FLT1: variants seen among roughly 807,000 people sequenced by gnomAD.
FLT1 encodes vascular endothelial growth factor receptor 1.
A neutral mutation model predicts 156.3 loss-of-function variants in FLT1; 49 were observed. The ratio of observed to expected loss-of-function variants is 0.31; its 90% confidence interval spans 0.25 to 0.40. The LOEUF (loss-of-function observed/expected upper bound fraction) is 0.40, where lower values mean the gene tolerates loss of function less well. Among genes scored for constraint, FLT1 ranks in the 10% least tolerant of loss-of-function variants. The probability of loss-of-function intolerance (pLI) is 1.00; values close to 1 mark genes in which losing one functional copy is unlikely to be tolerated. For synonymous variants in FLT1, 594 were observed against 583.8 expected, an observed-to-expected ratio of 1.02 and a Z score of -0.25; for missense variants, 1,322 against 1,637.2, an observed-to-expected ratio of 0.81 and a Z score of 3.32.
intron 23 of FLT1, among the ~76,000 whole-genome samples, chr13:28,320,180 G>A (rs1251336030): frequency 1.3e-5 from 2 of 152,164 alleles, no homozygotes; most frequent in African/African-American, 4.8e-5. Flanking sequence ...GAGAGACAAG[G>A]AGAAAGGAAG....
Position 28,303,047 on chromosome 13 carries a change from C to A in FLT1, c.*120G>T. The stretch of plus-strand genomic sequence containing the variant: ...GCACTATTAAAAAAATCACAAAAAG[C>A]AGCTGGCTCCCATGGAAAGATAAAG... On this transcript the variant is annotated 3_prime_UTR_variant, in exon 30 of 30. Transcript: ENST00000282397. The A allele has an allele frequency of 6.0e-6, 5 of 837,422 alleles. No individual in the cohort carries two copies. Among genetic ancestry groups the A allele is most frequent in the African/African-American group, 1.7e-5 (1 of 57,942 alleles). The allele number at this position is 837,422 out of a possible 1,614,324, so 51.9% of individuals were successfully genotyped here.
chr13:28,310,539 C>T (rs1407461319), intron 27 of FLT1, among the ~76,000 whole-genome samples: 1 of 152,124 alleles, frequency 6.6e-6, no homozygotes, highest in Non-Finnish European at 1.5e-5. Flanking sequence ...CTTGCCAGAC[C>T]CAGCACTTGT....
At chr13:28,456,434 GGC>G (rs1879267344) in intron 3 of FLT1, among the ~76,000 whole-genome samples, 2 of 152,114 alleles carry the variant, frequency 1.3e-5, no homozygotes, top group African/African-American at 4.8e-5. Flanking sequence ...AATCTGAAAA[GGC>G]TACATACTGT....
At chr13:28,315,543 G>A (rs1012132387) in intron 25 of FLT1, among the ~76,000 whole-genome samples, 3 of 152,118 alleles carry the variant, frequency 2.0e-5, no homozygotes, top group African/African-American at 4.8e-5. Context: ...ACAACAGAGC[G>A]AGACACTATC....
At chr13:28,389,394 GC>G in intron 13 of FLT1, 1 of 1,266,482 alleles carries the variant, frequency 7.9e-7, no homozygotes, top group South Asian at 3.6e-5. Flanking sequence ...AAAGAGGTTG[GC>G]ATCAAAATGG....
intron 20 of FLT1, among the ~76,000 whole-genome samples, chr13:28,326,376 G>A (rs1219788627): frequency 6.6e-6 from 1 of 152,170 alleles, no homozygotes; most frequent in East Asian, 1.9e-4. Flanking sequence ...TTCATCACCA[G>A]TGTTGCTGAT....
At chr13:28,487,321 G>A (rs1437782604) in intron 1 of FLT1, among the ~76,000 whole-genome samples, 1 of 152,234 alleles carries the variant, frequency 6.6e-6, no homozygotes, top group Non-Finnish European at 1.5e-5. Context: ...TTTGCTACAG[G>A]TGGCCTTGAG....
intron 11 of FLT1, among the ~76,000 whole-genome samples, chr13:28,403,232 T>A (rs6491282): frequency 1.8e-4 from 28 of 152,150 alleles, no homozygotes; most frequent in African/African-American, 5.8e-4. Context: ...AGAGAGGAAG[T>A]GTCGTAGTTT....
intron 4 of FLT1, among the ~76,000 whole-genome samples, chr13:28,436,946 G>T (rs1398762961): frequency 6.6e-6 from 1 of 152,206 alleles, no homozygotes; most frequent in Non-Finnish European, 1.5e-5. Context: ...AGTGCAGTAT[G>T]TTCAGAGTGC....
In FLT1 at chr13:28,302,533, C is replaced by T; in HGVS notation, c.*634G>A. 8.6e-6 allele frequency: 2 copies of T among 233,440 alleles called. No individual in the cohort carries two copies. Among genetic ancestry groups the T allele is most frequent in the Non-Finnish European group, 8.5e-6 (1 of 118,140 alleles). 14.5% of individuals were successfully genotyped at this position (233,440 alleles called of 1,614,324 possible). A position where few individuals can be genotyped will look rare whatever the true frequency, so the allele number is the denominator to read the frequency against. On this transcript the variant is annotated 3_prime_UTR_variant, in exon 30 of 30. Transcript: ENST00000282397. ...TCCCCTCATCGCTGTCCATCTGCTC[C>T]TGGCTGGGCCCTCAAATGTAGAAGG...
At chr13:28,487,046 C>T (rs183050146) in intron 1 of FLT1, among the ~76,000 whole-genome samples, 1 of 152,332 alleles carries the variant, frequency 6.6e-6, no homozygotes, top group African/African-American at 2.4e-5. Context: ...TTTGCAAGCC[C>T]ACCAGGTGAT....
At chr13:28,344,446 G>A (rs939643200) in intron 16 of FLT1, among the ~76,000 whole-genome samples, 1 of 152,038 alleles carries the variant, frequency 6.6e-6, no homozygotes, top group African/African-American at 2.4e-5. Flanking sequence ...TTTGACATTT[G>A]TGTGGCTGAT....
intron 10 of FLT1, among the ~76,000 whole-genome samples, chr13:28,408,210 G>C (rs1875925627): frequency 6.6e-6 from 1 of 152,180 alleles, no homozygotes; most frequent in Non-Finnish European, 1.5e-5. Context: ...AAATATGTTA[G>C]AGTAAGGCAA....
At chr13:28,464,577 C>T (rs1404037334) in intron 3 of FLT1, among the ~76,000 whole-genome samples, 1 of 152,226 alleles carries the variant, frequency 6.6e-6, no homozygotes, top group East Asian at 1.9e-4. Flanking sequence ...AGGCACATTG[C>T]AGATAAAAGT....
At chr13:28,419,296 C>T (rs1220070543) in intron 10 of FLT1, among the ~76,000 whole-genome samples, 30 of 152,172 alleles carry the variant, frequency 2.0e-4, no homozygotes, top group Admixed American at 2.0e-3. Context: ...TTTTAAGAAA[C>T]AATCTACCAA....
intron 1 of FLT1, among the ~76,000 whole-genome samples, chr13:28,472,111 C>T (rs1056594820): frequency 2.0e-5 from 3 of 152,188 alleles, no homozygotes; most frequent in Non-Finnish European, 4.4e-5. Context: ...TGGAACAGAA[C>T]TTTATGACTC....
At chr13:28,303,489 G>T (rs1003533606) in intron 29 of FLT1, 121 bp from the exon 30 acceptor site, 7 of 763,188 alleles carry the variant, frequency 9.2e-6, no homozygotes, top group Admixed American at 5.4e-5. Flanking sequence ...TCATGGTTTT[G>T]GAACCCCCCC....
At chr13:28,310,483 C>A (rs141436742) in intron 27 of FLT1, among the ~76,000 whole-genome samples, 5 of 152,320 alleles carry the variant, frequency 3.3e-5, no homozygotes, top group African/African-American at 1.2e-4. Context: ...CTTCCCAAGA[C>A]TGCTCTGGGC....
At chr13:28,396,889 CTAA>C in intron 12 of FLT1, 68 bp downstream of exon 12, 1 of 948,624 alleles carries the variant, frequency 1.1e-6, no homozygotes, top group East Asian at 2.4e-5. Context: ...TATAAATGCA[CTAA>C]AAGCAAACAA....
Sources: gnomAD v4.1 joint callset for allele counts (sites outside exome capture counted in the v4.1 genomes callset) on GRCh38, gnomAD v4.1.1 for gene constraint, MANE v1.5 for transcripts, NCBI Gene and HGNC (gene_info 2026-07-23, HGNC 2026-07-21) for gene names.